Variants in IARS1 observed in about 807,000 individuals in gnomAD.
IARS1 encodes isoleucine--tRNA ligase, cytoplasmic.
A neutral mutation model predicts 168.2 loss-of-function variants in IARS1; 124 were observed. The ratio of observed to expected loss-of-function variants is 0.74; its 90% CI spans 0.64 to 0.86. The LOEUF (loss-of-function observed/expected upper bound fraction) is 0.86. IARS1 is among the 40% of genes least tolerant of loss of function. IARS1 has a pLI of 0.00. For missense variants in IARS1, 1,452 were observed against 1,515.8 expected, an observed-to-expected ratio of 0.96 and a Z score of 0.70; for synonymous variants, 532 against 529.4, an observed-to-expected ratio of 1.00 and a Z score of -0.07.
chr9:92,219,399 A>G (rs1839304619), intron 33 of IARS1, among the ~76,000 whole-genome samples: 1 of 150,788 alleles, frequency 6.6e-6, no homozygotes, highest in Non-Finnish European at 1.5e-5. Context: ...AATGGCAACA[A>G]AAGACAAAAT....
chr9:92,218,245 C>G (rs2133361692), intron 33 of IARS1, among the ~76,000 whole-genome samples: 1 of 143,394 alleles, frequency 7.0e-6, no homozygotes. Flanking sequence ...TAAAAACTCT[C>G]AATAAATTAG....
At chr9:92,248,247 C>T (rs916962405) in intron 25 of IARS1, among the ~76,000 whole-genome samples, 9 of 152,252 alleles carry the variant, frequency 5.9e-5, no homozygotes, top group Non-Finnish European at 8.8e-5. Flanking sequence ...ATTACTGATG[C>T]GGCAGGGATG....
chr9:92,283,918 C>T (rs895492064), intron 6 of IARS1, among the ~76,000 whole-genome samples: 1 of 152,192 alleles, frequency 6.6e-6, no homozygotes, highest in Non-Finnish European at 1.5e-5. Flanking sequence ...CAGTGGCTGA[C>T]ACCTGTAATC....
chr9:92,260,368 C>T, intron 17 of IARS1, 134 bp from the exon 18 acceptor site: 1 of 706,964 alleles, frequency 1.4e-6, no homozygotes, highest in Non-Finnish European at 2.5e-6. Context: ...GAAGTTAGTG[C>T]TAATAGGCCG....
intron 11 of IARS1, 40 bp from the exon 12 acceptor site, chr9:92,271,116 A>G (rs1279249654): frequency 7.8e-7 from 1 of 1,286,668 alleles, no homozygotes; most frequent in East Asian, 2.3e-5. Context: ...AAAACATACT[A>G]TAATACTTAG....
intron 30 of IARS1, among the ~76,000 whole-genome samples, chr9:92,232,464 T>A (rs1005466703): frequency 6.6e-6 from 1 of 152,318 alleles, no homozygotes; most frequent in Non-Finnish European, 1.5e-5. Flanking sequence ...GGTGAAGCTA[T>A]GAAGTATGAA....
intron 6 of IARS1, among the ~76,000 whole-genome samples, chr9:92,284,017 G>C (rs1835047725): frequency 6.6e-6 from 1 of 151,990 alleles, no homozygotes; most frequent in South Asian, 2.1e-4. Flanking sequence ...CACTCCTATA[G>C]AAACACATAA....
intron 20 of IARS1, chr9:92,253,843 C>T (rs1395602248): frequency 4.1e-6 from 2 of 485,676 alleles, no homozygotes; most frequent in Admixed American, 2.2e-5. Flanking sequence ...TTGTATTACA[C>T]TGTACTTCAA....
intron 18 of IARS1, 76 bp from the exon 19 acceptor site, chr9:92,259,074 G>C: frequency 7.7e-7 from 1 of 1,291,042 alleles, no homozygotes; most frequent in Middle Eastern, 2.0e-4. Flanking sequence ...CATATTGAGA[G>C]AGCAAGATGA....
chr9:92,220,169 C>T (rs1157439453), intron 33 of IARS1, among the ~76,000 whole-genome samples: 1 of 147,322 alleles, frequency 6.8e-6, no homozygotes, highest in Non-Finnish European at 1.5e-5. Context: ...ATCGCAAGAA[C>T]AAAAAACCAA....
chr9:92,279,175 AG>A (rs1323534955), intron 7 of IARS1, among the ~76,000 whole-genome samples: 1 of 152,224 alleles, frequency 6.6e-6, no homozygotes, highest in African/African-American at 2.4e-5. Flanking sequence ...TCATTGTAAA[AG>A]CCTTTCCAAT....
chr9:92,247,487 G>T lies in IARS1; in HGVS notation c.2681C>A (p.Ala894Glu), dbSNP rs1202675205. Reference protein sequence around the residue: ...DKNKYGIRLRAEPDHMVLGKR... With the variant: ...DKNKYGIRLREEPDHMVLGKR... ...CCCCAGGACCATGTGATCTGGTTCT[G>T]CCCTTAGCCGAATGCCATACTTGTT... The change falls in exon 26 of 34, where the codon GCA becomes GAA. Residue 894 changes from alanine (A) to glutamate (E), a missense_variant. Ala to Glu is a moderately radical substitution (Grantham distance 107). Transcript: ENST00000443024. The T allele has an allele frequency of 6.2e-7, 1 of 1,614,122 alleles. No individual in the cohort carries two copies. The highest frequency in any genetic ancestry group is 8.5e-7 in the Non-Finnish European group (1 of 1,180,018).
rs1041288580 is a variant in IARS1 at position 92,271,472 on chromosome 9, A to C, written c.1113+61T>G. 52 of 1,583,760 alleles carry C rather than the reference A, an allele frequency of 3.3e-5. No homozygotes were observed. The East Asian group carries it at 1.1e-3, about 33-fold the overall frequency. On this transcript the variant is annotated intron_variant, in intron 11 of 33. Transcript: ENST00000443024. ...CTAGAAGAATTACAATACAATTATA[A>C]ATGATGGTAGAGACTAATCAGAAGT...
chr9:92,234,906 C>T (rs571915399), intron 30 of IARS1, among the ~76,000 whole-genome samples: 3 of 151,492 alleles, frequency 2.0e-5, no homozygotes, highest in Non-Finnish European at 2.9e-5. Flanking sequence ...TACAATGGCG[C>T]GATCTCGGCT....
At chr9:92,273,757 C>T (rs1017564920) in intron 10 of IARS1, among the ~76,000 whole-genome samples, 9 of 152,330 alleles carry the variant, frequency 5.9e-5, no homozygotes, top group Non-Finnish European at 1.3e-4. Flanking sequence ...AGACTACTGC[C>T]ACTGCCTTTT....
At chr9:92,256,604 C>A in intron 20 of IARS1, 76 bp downstream of exon 20, 1 of 1,330,800 alleles carries the variant, frequency 7.5e-7, no homozygotes, top group Non-Finnish European at 1.0e-6. Context: ...TCAATATTTC[C>A]ACTATTAAAT....
chr9:92,243,386 T>C (rs1828734020), intron 27 of IARS1, 75 bp from the exon 28 acceptor site: 2 of 993,458 alleles, frequency 2.0e-6, no homozygotes, highest in African/African-American at 3.2e-5. Flanking sequence ...CAAAATGTTA[T>C]TTAAATCTGG....
At chr9:92,256,543 C>T in intron 20 of IARS1, 137 bp downstream of exon 20, 1 of 930,260 alleles carries the variant, frequency 1.1e-6, no homozygotes, top group Non-Finnish European at 1.5e-6. Flanking sequence ...CAAGCCTTAA[C>T]AAAACTATAT....
intron 14 of IARS1, among the ~76,000 whole-genome samples, chr9:92,266,302 T>C (rs1490858821): frequency 6.6e-6 from 1 of 152,236 alleles, no homozygotes; most frequent in Admixed American, 6.5e-5. Flanking sequence ...AAGAAAAAGC[T>C]AGAGCTAAAT....
Sources: gnomAD v4.1 joint callset for allele counts (sites outside exome capture counted in the v4.1 genomes callset) on GRCh38, gnomAD v4.1.1 for gene constraint, MANE v1.5 for transcripts, NCBI Gene and HGNC (gene_info 2026-07-23, HGNC 2026-07-21) for gene names.